EFHC1: variants seen among roughly 807,000 people sequenced by gnomAD.
The protein encoded by EFHC1 is EF-hand domain-containing protein 1.
EFHC1 carries 53 observed loss-of-function variants against 69.9 expected under a neutral mutation model. The observed-to-expected ratio is 0.76, with a 90% CI of 0.61 to 0.95. The LOEUF (loss-of-function observed/expected upper bound fraction) is 0.95. Among genes scored for constraint, EFHC1 ranks in the 40% least tolerant of loss-of-function variants. The pLI is 0.00. For missense variants in EFHC1, 739 were observed against 798.7 expected, an observed-to-expected ratio of 0.93 and a Z score of 0.90; for synonymous variants, 256 against 278.4, an observed-to-expected ratio of 0.92 and a Z score of 0.80.
intron 2 of EFHC1, among the ~76,000 whole-genome samples, chr6:52,431,641 AAG>A: frequency 6.6e-6 from 1 of 152,144 alleles, no homozygotes; most frequent in African/African-American, 2.4e-5. Flanking sequence ...GTCTTGGAGA[AAG>A]TTCTATGCGC....
In EFHC1 at chr6:52,469,348, A is replaced by T; in HGVS notation, c.1153A>T (p.Asn385Tyr). 6.2e-7 allele frequency: 1 copy of T among 1,613,994 alleles called. No individual in the cohort carries two copies. Among genetic ancestry groups the T allele is most frequent in the Non-Finnish European group, 8.5e-7 (1 of 1,179,920 alleles). Reference protein sequence around the residue: ...PPVKQELPPYNGFGLVEDSAQ... With the variant: ...PPVKQELPPYYGFGLVEDSAQ... ...GTATCTCCAGGAGTTGCCTCCTTAT[A>T]ACGGTTTTGGACTAGTGGAAGATTC... The change falls in exon 7 of 11, where the codon AAC becomes TAC. Residue 385 changes from asparagine (N) to tyrosine (Y), a missense_variant. Transcript: ENST00000371068.
chr6:52,460,633 G>A (rs950967275), intron 5 of EFHC1, among the ~76,000 whole-genome samples: 1 of 152,116 alleles, frequency 6.6e-6, no homozygotes, highest in Non-Finnish European at 1.5e-5. Context: ...AAAGAAAAAG[G>A]TAACCCATAC....
chr6:52,434,541 C>T (rs940569272), intron 2 of EFHC1, among the ~76,000 whole-genome samples: 4 of 152,130 alleles, frequency 2.6e-5, no homozygotes, highest in South Asian at 2.1e-4. Flanking sequence ...GGGTGTCTCC[C>T]GGGTCCTACA....
chr6:52,434,884 C>CATATATATATATAT (rs59802769), intron 2 of EFHC1, among the ~76,000 whole-genome samples: 1 of 148,674 alleles, frequency 6.7e-6, no homozygotes, highest in African/African-American at 2.5e-5. Context: ...TACCTGAGAC[C>CATATATATATATAT]ATATATATAT....
At chr6:52,433,551 A>G (rs1562445244) in intron 2 of EFHC1, among the ~76,000 whole-genome samples, 1 of 152,188 alleles carries the variant, frequency 6.6e-6, no homozygotes, top group Non-Finnish European at 1.5e-5. Context: ...TCTCAGCCAT[A>G]GATACCAGCA....
At chr6:52,446,963 A>C (rs1328734690) in intron 3 of EFHC1, among the ~76,000 whole-genome samples, 3 of 152,192 alleles carry the variant, frequency 2.0e-5, no homozygotes, top group Non-Finnish European at 4.4e-5. Flanking sequence ...TTTGTGGGTA[A>C]CCCGAACTTT....
Position 52,492,841 on chromosome 6 carries a change from T to C in EFHC1, c.*500T>C. 1 of 448,428 alleles carries C rather than the reference T, an allele frequency of 2.2e-6. No individual in the cohort carries two copies. The highest frequency in any genetic ancestry group is 4.5e-6 in the Non-Finnish European group (1 of 224,268). The allele number at this position is 448,428 out of a possible 1,614,324, so 27.8% of individuals were successfully genotyped here. On this transcript the variant is annotated 3_prime_UTR_variant, in exon 11 of 11. Coordinates refer to ENST00000371068, the MANE Select transcript of EFHC1 (RefSeq NM_018100.4). ...TAGGTTGCCTGAACTTGTCTCAAAC[T>C]CATGAGCTCCAGAAATTCTCCCACC...
rs1421238412 is a variant in EFHC1 at position 52,493,998 on chromosome 6, T to C, written c.*1657T>C. 6.6e-6 allele frequency: 3 copies of C among 454,008 alleles called. No homozygotes were observed. The highest frequency in any genetic ancestry group is 8.8e-6 in the Non-Finnish European group (2 of 226,808). 28.1% of individuals were successfully genotyped at this position (454,008 alleles called of 1,614,324 possible). A position where few individuals can be genotyped will look rare whatever the true frequency, so the allele number is the denominator to read the frequency against. ...AAGGGCTGTGAATGTATTATGTTGA[T>C]TCCTTTTCTGTTCCAGGTTATTATC... is the stretch of plus-strand genomic sequence containing the variant. On this transcript the variant is annotated 3_prime_UTR_variant, in exon 11 of 11. Transcript: ENST00000371068.
At chr6:52,452,415 T>A (rs1295870153) in intron 3 of EFHC1, among the ~76,000 whole-genome samples, 1 of 152,156 alleles carries the variant, frequency 6.6e-6, no homozygotes, top group Non-Finnish European at 1.5e-5. Flanking sequence ...GTCTACTCAC[T>A]TCAGCCTCCT....
intron 6 of EFHC1, among the ~76,000 whole-genome samples, chr6:52,467,542 A>C (rs1453531518): frequency 6.6e-6 from 1 of 152,010 alleles, no homozygotes; most frequent in Non-Finnish European, 1.5e-5. Flanking sequence ...CCCCATCCTT[A>C]TTACTATCAT....
chr6:52,445,980 C>T (rs963660249), intron 3 of EFHC1, among the ~76,000 whole-genome samples: 7 of 152,090 alleles, frequency 4.6e-5, no homozygotes, highest in Non-Finnish European at 1.0e-4. Context: ...TTACTTCCAA[C>T]TATGTGGTCA....
intron 6 of EFHC1, among the ~76,000 whole-genome samples, chr6:52,465,677 C>T (rs575833482): frequency 5.9e-5 from 9 of 151,316 alleles, no homozygotes; most frequent in South Asian, 2.1e-4. Context: ...TGTAGTGGTG[C>T]GCACCTGTAA....
At chr6:52,486,299 C>G (rs541293722) in intron 9 of EFHC1, 1 of 152,272 alleles carries the variant, frequency 6.6e-6, no homozygotes, top group Non-Finnish European at 1.5e-5. Flanking sequence ...CTTAAATTCT[C>G]TTTGGGTTTG....
chr6:52,442,998 T>C (rs1243038190), intron 3 of EFHC1, among the ~76,000 whole-genome samples: 1 of 151,868 alleles, frequency 6.6e-6, no homozygotes, highest in Non-Finnish European at 1.5e-5. Context: ...CTAACTGGCA[T>C]GAGATGTGTG....
In EFHC1 at chr6:52,438,447, C is replaced by T. The variant is rs1014611984; in HGVS notation, c.429C>T (p.Ile143=). 1 of 1,614,060 alleles carries T rather than the reference C, an allele frequency of 6.2e-7. No homozygotes were observed. Among genetic ancestry groups the T allele is most frequent in the Admixed American group, 1.7e-5 (1 of 59,984 alleles). The change falls in exon 3 of 11, where the codon ATC becomes ATT. Residue 143 remains isoleucine, a synonymous_variant. Coordinates refer to ENST00000371068, the MANE Select transcript of EFHC1 (RefSeq NM_018100.4). ...AGCCTGTTGTAGAAAATTCTGGAAT[C>T]CTTCAAGGCAAGTTAATAAAACGCC... ...VIEPVVENSG[I]LQGKLIKRQR... is the part of the protein sequence containing the mutation.
chr6:52,490,385 A>T, intron 10 of EFHC1, 35 bp downstream of exon 10: 1 of 1,574,272 alleles, frequency 6.4e-7, no homozygotes, highest in Non-Finnish European at 8.7e-7. Flanking sequence ...TTCATTGCAG[A>T]GGCTAGGCAC....
chr6:52,463,897 A>G (rs1765232168), intron 5 of EFHC1, among the ~76,000 whole-genome samples: 1 of 152,202 alleles, frequency 6.6e-6, no homozygotes, highest in Admixed American at 6.5e-5. Flanking sequence ...TTATTAGGGA[A>G]ATACCAGGCC....
At chr6:52,438,221 GT>G in intron 2 of EFHC1, 82 bp from the exon 3 acceptor site, 1 of 1,369,270 alleles carries the variant, frequency 7.3e-7, no homozygotes. Flanking sequence ...GTGTGGTTCT[GT>G]TTTCAGGAAG....
chr6:52,450,727 A>G (rs9463789), intron 3 of EFHC1, among the ~76,000 whole-genome samples: 8,557 of 152,212 alleles, frequency 0.056, 271 homozygotes, highest in South Asian at 0.093. Context: ...TCTTGAAGAC[A>G]GCATACCATT....
Sources: gnomAD v4.1 joint callset for allele counts (sites outside exome capture counted in the v4.1 genomes callset) on GRCh38, gnomAD v4.1.1 for gene constraint, MANE v1.5 for transcripts, NCBI Gene and HGNC (gene_info 2026-07-23, HGNC 2026-07-21) for gene names.